The following SLAMF9 variants were observed in gnomAD, a reference collection of about 807,000 sequenced individuals.
SLAMF9 encodes the protein CD2 family member 10.
SLAMF9 carries 25 observed loss-of-function variants against 30.4 expected under a neutral mutation model. That is an observed-to-expected ratio of 0.82 (90% CI 0.60 to 1.15). The LOEUF is 1.15. SLAMF9 is among the 50% of genes most tolerant of loss of function. SLAMF9 has a pLI of 0.00. For missense variants in SLAMF9, 344 were observed against 346.1 expected, an observed-to-expected ratio of 0.99 and a Z score of 0.05; for synonymous variants, 129 against 127.2, an observed-to-expected ratio of 1.01 and a Z score of -0.09.
At chr1:159,981,650 T>C in the SLAMF9 span, among the ~76,000 whole-genome samples, 1 of 152,116 alleles carries the variant, frequency 6.6e-6, no homozygotes, top group African/African-American at 2.4e-5. Context: ...TGTCAGGGAG[T>C]GTGCTCAGGT....
Position 159,951,654 on chromosome 1 carries a change from G to A in SLAMF9, c.*7C>T. On this transcript the variant is annotated 3_prime_UTR_variant, in exon 4 of 4. Coordinates refer to ENST00000368093, the MANE Select transcript of SLAMF9 (RefSeq NM_033438.4). ...CCAAGCTCAGGACTGGGGTTCCCAA[G>A]GAGCAGTCAGGCAGGGCTGGAGCCA... The A allele has an allele frequency of 1.9e-6, 3 of 1,613,570 alleles. No individual in the cohort carries two copies. The highest frequency in any genetic ancestry group is 1.7e-6 in the Non-Finnish European group (2 of 1,179,866).
At chr1:159,976,217 T>G in the SLAMF9 span, among the ~76,000 whole-genome samples, 1 of 152,014 alleles carries the variant, frequency 6.6e-6, no homozygotes, top group African/African-American at 2.4e-5. Context: ...ACTAAGATGG[T>G]TATTAATAAG....
At chr1:159,970,280 T>A in the SLAMF9 span, among the ~76,000 whole-genome samples, 4 of 152,194 alleles carry the variant, frequency 2.6e-5, no homozygotes, top group African/African-American at 9.6e-5. Context: ...ATGAGGATAG[T>A]GCAGACTTGC....
Position 159,953,586 on chromosome 1 carries a change from G to C in SLAMF9, c.114C>G (p.Ile38Met). Residue 38 changes from isoleucine (I) to methionine (M), a missense_variant, in exon 2 of 4, where the codon ATC (isoleucine) becomes ATG (methionine). By Grantham distance (10) the Ile-to-Met change is conservative. Transcript: ENST00000368093. Reference sequence around the variant, plus strand: ...CTGGTGGTATTTCCAGGGGGAGGCTGATGGACTCCTGAAGGACCGCAACCA... The same window carrying C: ...CTGGTGGTATTTCCAGGGGGAGGCTCATGGACTCCTGAAGGACCGCAACCA... ...EEVVAVLQESISLPLEIPPDE... is the reference protein window; with the variant it reads ...EEVVAVLQESMSLPLEIPPDE... 2 of 1,614,090 alleles carry C rather than the reference G, an allele frequency of 1.2e-6. No homozygotes were observed. The highest frequency in any genetic ancestry group is 2.2e-5 in the East Asian group (1 of 44,858).
At chr1:159,973,883 A>G in the SLAMF9 span, 1 of 1,612,634 alleles carries the variant, frequency 6.2e-7, no homozygotes, top group African/African-American at 1.3e-5. Context: ...TGTACTGGCC[A>G]CGGCTCTGCA....
the SLAMF9 span, among the ~76,000 whole-genome samples, chr1:159,979,576 C>CA: frequency 3.5e-4 from 52 of 148,380 alleles, no homozygotes; most frequent in Non-Finnish European, 5.6e-4. Flanking sequence ...GTACGGTAGA[C>CA]AAAAAAAATA....
the SLAMF9 span, among the ~76,000 whole-genome samples, chr1:159,970,631 A>G: frequency 1.3e-5 from 2 of 152,162 alleles, no homozygotes; most frequent in Non-Finnish European, 2.9e-5. Flanking sequence ...TTCCTACCCT[A>G]CTTTCTTCTA....
chr1:159,977,044 TA>T, the SLAMF9 span: 4 of 140,920 alleles, frequency 2.8e-5, no homozygotes, highest in Non-Finnish European at 6.3e-5. Context: ...AGGGGGAGAG[TA>T]GGTGAAAAGA....
the SLAMF9 span, among the ~76,000 whole-genome samples, chr1:159,974,534 T>A: frequency 6.6e-6 from 1 of 152,168 alleles, no homozygotes; most frequent in Non-Finnish European, 1.5e-5. Context: ...AATCCAGGGA[T>A]TGAAGGAGCC....
the SLAMF9 span, among the ~76,000 whole-genome samples, chr1:159,979,746 A>G: frequency 6.6e-6 from 1 of 152,120 alleles, no homozygotes; most frequent in Non-Finnish European, 1.5e-5. Context: ...ATAGAGTTGC[A>G]TAAAACAGTT....
chr1:159,973,432 A>G, the SLAMF9 span, among the ~76,000 whole-genome samples: 1 of 151,994 alleles, frequency 6.6e-6, no homozygotes, highest in Non-Finnish European at 1.5e-5. Flanking sequence ...TCTTGTCCTC[A>G]CCCACAAGCT....
In SLAMF9 at chr1:159,952,412, G is replaced by A. The variant is rs200703097; in HGVS notation, c.514C>T (p.Arg172Trp). The change falls in exon 3 of 4, where the codon CGG becomes TGG. Residue 172 changes from arginine to tryptophan, a missense_variant. Coordinates refer to ENST00000368093, the MANE Select transcript of SLAMF9 (RefSeq NM_033438.4). ...TGGAATGTATAAGTGCTATCCCCCC[G>A]GGAGAGCCAGCTGTAGGTCATATCC... ...GMDMTYSWLS[R>W]GDSTYTFHEG... is the part of the protein sequence containing the mutation. 2.0e-5 allele frequency: 33 copies of A among 1,614,046 alleles called. No individual in the cohort carries two copies. Among genetic ancestry groups the A allele is most frequent in the East Asian group, 2.2e-5 (1 of 44,870 alleles).
At chr1:159,955,937 A>G (rs1370148526), upstream of SLAMF9, among the ~76,000 whole-genome samples, 1 of 152,238 alleles carries the variant, frequency 6.6e-6, no homozygotes, top group Non-Finnish European at 1.5e-5. Flanking sequence ...GTCTGAGTAT[A>G]AAACGTTTTT....
chr1:159,952,235 CA>C (rs1484128319), intron 3 of SLAMF9, 26 bp downstream of exon 3: 96 of 1,611,984 alleles, frequency 6.0e-5, no homozygotes, highest in Non-Finnish European at 8.1e-5. Context: ...TTCATGAGCT[CA>C]GGGGGTGTCT....
the SLAMF9 span, chr1:159,972,933 C>G: frequency 9.7e-7 from 1 of 1,032,462 alleles, no homozygotes; most frequent in Non-Finnish European, 1.3e-6. Context: ...TCCTCTCCTC[C>G]CAGGGGGTCC....
the SLAMF9 span, among the ~76,000 whole-genome samples, chr1:159,979,831 G>A: frequency 6.6e-6 from 1 of 152,198 alleles, no homozygotes. Flanking sequence ...GTTGCTGTGA[G>A]AGTTTAAAGA....
chr1:159,969,029 G>A, the SLAMF9 span, among the ~76,000 whole-genome samples: 3 of 124,916 alleles, frequency 2.4e-5, no homozygotes, highest in South Asian at 6.4e-4. Flanking sequence ...GTGACAAAGC[G>A]AGACTCCATC....
upstream of SLAMF9, among the ~76,000 whole-genome samples, chr1:159,956,542 T>G (rs1651925494): frequency 6.6e-6 from 1 of 151,876 alleles, no homozygotes; most frequent in South Asian, 2.1e-4. Flanking sequence ...CAGAAAATAG[T>G]GCATCCTAGC....
At chr1:159,963,288 T>C in the SLAMF9 span, among the ~76,000 whole-genome samples, 1 of 152,140 alleles carries the variant, frequency 6.6e-6, no homozygotes. Context: ...CCCTTGGTAA[T>C]TGGCCAGGGT....
Sources: allele counts gnomAD v4.1 joint callset (sites outside exome capture counted in the v4.1 genomes callset), GRCh38; gene constraint gnomAD v4.1.1; transcripts MANE v1.5; gene names NCBI Gene and HGNC (gene_info 2026-07-23, HGNC 2026-07-21).